Variants in XPO4 observed in about 807,000 individuals in gnomAD.
XPO4 encodes the protein exportin 4.
In XPO4, 39 loss-of-function variants were observed where a neutral mutation model predicts 143.0. That is an observed-to-expected ratio of 0.27 (90% CI 0.21 to 0.36). XPO4 has a LOEUF of 0.36. XPO4 is among the 10% of genes least tolerant of loss of function. The pLI is 1.00. For missense variants in XPO4, 907 were observed against 1,348.0 expected (o/e 0.67, Z 5.12); for synonymous variants, 439 against 474.0 (o/e 0.93, Z 0.96).
chr13:20,795,936 C>CA lies in XPO4; in HGVS notation c.2797+139dup, dbSNP rs750114027. On this transcript the variant is annotated intron_variant, in intron 18 of 22. Transcript: ENST00000255305. ...CAGGAGGGCCACTGGTCCTCACCCT[C>CA]ACTTTGACCACAAAGATCTTCTTTC... 2.0e-4 allele frequency: 186 copies of CA among 910,202 alleles called. 1 individual carries two copies. The highest frequency in any genetic ancestry group is 1.6e-4 in the Non-Finnish European group (98 of 619,262). The allele number at this position is 910,202 out of a possible 1,614,324, so 56.4% of individuals were successfully genotyped here.
At chr13:20,842,705 A>G (rs999623570) in intron 6 of XPO4, among the ~76,000 whole-genome samples, 190 bp downstream of exon 6, 1 of 152,332 alleles carries the variant, frequency 6.6e-6, no homozygotes, top group South Asian at 2.1e-4. Context: ...AATACTTTTA[A>G]ATCTTCTAGT....
chr13:20,807,441 A>G lies in XPO4; in HGVS notation c.1817+16T>C. ...GTATAAAAATTACAAGAGCACAGCTATAGAGTTTATATTACCTAATCACAG... is the reference window on the plus strand; with the variant it reads ...GTATAAAAATTACAAGAGCACAGCTGTAGAGTTTATATTACCTAATCACAG... On this transcript the variant is annotated intron_variant, in intron 13 of 22. Transcript: ENST00000255305. 1 of 1,605,322 alleles carries G rather than the reference A, an allele frequency of 6.2e-7. No individual in the cohort carries two copies.
At chr13:20,846,708 C>G (rs2060032871) in intron 4 of XPO4, among the ~76,000 whole-genome samples, 1 of 152,120 alleles carries the variant, frequency 6.6e-6, no homozygotes, top group African/African-American at 2.4e-5. Flanking sequence ...AAATTGTCTA[C>G]AATCCTACCA....
At chr13:20,877,267 TCTCTC>T (rs2060361496) in intron 1 of XPO4, among the ~76,000 whole-genome samples, 2 of 152,200 alleles carry the variant, frequency 1.3e-5, no homozygotes, top group African/African-American at 4.8e-5. Flanking sequence ...CCTTCACTCT[TCTCTC>T]CTTCCTTAGT....
intron 9 of XPO4, among the ~76,000 whole-genome samples, chr13:20,812,254 C>A (rs2059591925): frequency 6.6e-6 from 1 of 151,982 alleles, no homozygotes; most frequent in Admixed American, 6.6e-5. Flanking sequence ...GCCTGTAATC[C>A]CAGCTACTTG....
chr13:20,782,026 A>T lies in XPO4; in HGVS notation c.*1696T>A, dbSNP rs902424969. 4 of 152,220 alleles carry T rather than the reference A, an allele frequency of 2.6e-5. No homozygotes were observed. Among genetic ancestry groups the T allele is most frequent in the African/African-American group, 7.2e-5 (3 of 41,456 alleles). 9.4% of individuals were successfully genotyped at this position (152,220 alleles called of 1,614,324 possible). A position where few individuals can be genotyped will look rare whatever the true frequency, so the allele number is the denominator to read the frequency against. ...TTTTGCTTCCCCTTAATTGTGACTC[A>T]AAGCTAATCAAATTGAGAGAAATGT... On this transcript the variant is annotated 3_prime_UTR_variant, in exon 23 of 23. Transcript: ENST00000255305.
intron 3 of XPO4, among the ~76,000 whole-genome samples, chr13:20,861,577 T>C (rs2138119120): frequency 6.6e-6 from 1 of 152,210 alleles, no homozygotes; most frequent in Non-Finnish European, 1.5e-5. Flanking sequence ...ATTATAGGCA[T>C]GAGCCACCAC....
intron 1 of XPO4, among the ~76,000 whole-genome samples, chr13:20,873,100 T>A (rs1250677540): frequency 1.6e-4 from 8 of 49,762 alleles, no homozygotes; most frequent in African/African-American, 3.8e-4. Flanking sequence ...CCAAGGATCT[T>A]CAAAAAAAAA....
intron 4 of XPO4, chr13:20,851,933 A>T: frequency 5.1e-6 from 5 of 985,338 alleles, no homozygotes; most frequent in Non-Finnish European, 6.0e-6. Context: ...TCCAATTGCC[A>T]GGTTGCAGTG....
At chr13:20,788,079 G>A (rs1332053053) in intron 20 of XPO4, among the ~76,000 whole-genome samples, 4 of 148,750 alleles carry the variant, frequency 2.7e-5, no homozygotes, top group African/African-American at 1.0e-4. Flanking sequence ...TTTTGAGATG[G>A]AGTTTCACTC....
In XPO4 at chr13:20,783,808, T is replaced by C. The variant is rs370280773; in HGVS notation, c.3370A>G (p.Thr1124Ala). 8 of 1,614,120 alleles carry C rather than the reference T, an allele frequency of 5.0e-6. No homozygotes were observed. The African/African-American group carries it at 1.1e-4, about 22-fold the overall frequency. The change falls in exon 23 of 23, where the codon ACG (threonine) becomes GCG (alanine). Residue 1124 changes from threonine (T) to alanine (A), a missense_variant. Thr to Ala is a moderately conservative substitution (Grantham distance 58). Coordinates refer to ENST00000255305, the MANE Select transcript of XPO4 (RefSeq NM_022459.5). ...GCCATCTTCTGCTTCCGATCCAGCG[T>C]AGGAGGAGTGCTGCTTGCAGTGAGC... ...NKLTASSTPP[T>A]LDRKQKMAFL...
intron 7 of XPO4, among the ~76,000 whole-genome samples, chr13:20,823,577 C>T (rs9509386): frequency 0.81 from 120,331 of 147,754 alleles, 48,767 homozygotes; most frequent in East Asian, 1. Flanking sequence ...GTGTTTTTTT[C>T]TTTTTTCCAT....
intron 9 of XPO4, among the ~76,000 whole-genome samples, chr13:20,810,555 T>G (rs2059568778): frequency 6.6e-6 from 1 of 152,230 alleles, no homozygotes; most frequent in South Asian, 2.1e-4. Context: ...TTTGTGAATG[T>G]GGAAATAAAT....
chr13:20,891,159 G>A (rs1024689531), intron 1 of XPO4, among the ~76,000 whole-genome samples: 7 of 141,858 alleles, frequency 4.9e-5, no homozygotes, highest in South Asian at 2.2e-4. Flanking sequence ...AAGAACAAAC[G>A]GCCACACTCT....
At chr13:20,860,169 T>TA (rs1302742978) in intron 3 of XPO4, among the ~76,000 whole-genome samples, 2 of 152,140 alleles carry the variant, frequency 1.3e-5, no homozygotes, top group Non-Finnish European at 2.9e-5. Flanking sequence ...GATCTACAGG[T>TA]AAAACAGAAT....
intron 6 of XPO4, among the ~76,000 whole-genome samples, chr13:20,829,411 G>C (rs975499370): frequency 1.3e-5 from 2 of 152,102 alleles, no homozygotes; most frequent in Admixed American, 6.5e-5. Flanking sequence ...AAGGTGTCAT[G>C]ATTTTATTTT....
chr13:20,788,641 T>C, intron 19 of XPO4, 25 bp from the exon 20 acceptor site: 2 of 1,571,470 alleles, frequency 1.3e-6, no homozygotes, highest in South Asian at 1.2e-5. Flanking sequence ...TTCAATTATT[T>C]GGATGCTCAT....
chr13:20,869,522 G>A (rs1452952637), intron 1 of XPO4: 2 of 959,884 alleles, frequency 2.1e-6, no homozygotes, highest in Non-Finnish European at 2.5e-6. Context: ...ATTGAATAAA[G>A]AGGGCAACTC....
At chr13:20,870,525 T>C (rs1028190495) in intron 1 of XPO4, among the ~76,000 whole-genome samples, 4 of 151,806 alleles carry the variant, frequency 2.6e-5, no homozygotes, top group African/African-American at 4.8e-5. Flanking sequence ...TCAAGGCGGG[T>C]AGATCACCTG....
Sources: allele counts gnomAD v4.1 joint callset (sites outside exome capture counted in the v4.1 genomes callset), GRCh38; gene constraint gnomAD v4.1.1; transcripts MANE v1.5; gene names NCBI Gene and HGNC (gene_info 2026-07-23, HGNC 2026-07-21).